The following FGF12 variants were observed in gnomAD, a reference collection of about 807,000 sequenced individuals.
FGF12 encodes fibroblast growth factor 12.
A neutral mutation model predicts 23.6 loss-of-function variants in FGF12; 14 were observed. The ratio of observed to expected loss-of-function variants is 0.59; its 90% confidence interval spans 0.39 to 0.93. The LOEUF is 0.93. Among genes scored for constraint, FGF12 ranks in the 40% least tolerant of loss-of-function variants. The pLI is 0.00. For missense variants in FGF12, 175 were observed against 217.8 expected, an observed-to-expected ratio of 0.80 and a Z score of 1.24; for synonymous variants, 62 against 77.3, an observed-to-expected ratio of 0.80 and a Z score of 1.04.
At chr3:192,541,320 A>G (rs928834757) in intron 2 of FGF12, among the ~76,000 whole-genome samples, 3 of 152,186 alleles carry the variant, frequency 2.0e-5, no homozygotes, top group Admixed American at 6.5e-5. Context: ...TGAAGTTACC[A>G]TAAAACATGC....
At chr3:192,316,790 C>T (rs1480160347) in intron 4 of FGF12, among the ~76,000 whole-genome samples, 1 of 152,156 alleles carries the variant, frequency 6.6e-6, no homozygotes, top group African/African-American at 2.4e-5. Flanking sequence ...TTGCATCACC[C>T]CTCCCCCAAC....
chr3:192,410,165 G>C (rs946374943), intron 2 of FGF12, among the ~76,000 whole-genome samples: 5 of 152,098 alleles, frequency 3.3e-5, no homozygotes, highest in African/African-American at 1.2e-4. Flanking sequence ...GTGGGGCCGA[G>C]CTGGGGGCCG....
chr3:192,619,566 G>A (rs1405901755), intron 2 of FGF12, among the ~76,000 whole-genome samples: 1 of 152,068 alleles, frequency 6.6e-6, no homozygotes, highest in African/African-American at 2.4e-5. Flanking sequence ...TTATTGGCAA[G>A]TTTGGGCTGG....
chr3:192,598,007 C>T (rs1381145269), intron 2 of FGF12, among the ~76,000 whole-genome samples: 1 of 152,180 alleles, frequency 6.6e-6, no homozygotes, highest in Non-Finnish European at 1.5e-5. Context: ...AGAAAACAGT[C>T]AACACTTTGT....
chr3:192,171,376 G>A (rs555338639), intron 4 of FGF12, among the ~76,000 whole-genome samples: 91 of 150,008 alleles, frequency 6.1e-4, no homozygotes, highest in African/African-American at 2.2e-3. Context: ...TTTGGTAAGT[G>A]AGAAAACCAA....
At chr3:192,320,378 T>C (rs1452597615) in intron 4 of FGF12, among the ~76,000 whole-genome samples, 1 of 152,160 alleles carries the variant, frequency 6.6e-6, no homozygotes, top group Middle Eastern at 3.2e-3. Context: ...ACCGGAGACT[T>C]CAATGCCCCA....
At chr3:192,174,416 C>T (rs1230419546) in intron 4 of FGF12, among the ~76,000 whole-genome samples, 1 of 151,440 alleles carries the variant, frequency 6.6e-6, no homozygotes, top group East Asian at 1.9e-4. Context: ...GTTTTCCATT[C>T]AGTATAATTC....
intron 2 of FGF12, among the ~76,000 whole-genome samples, chr3:192,662,695 T>C (rs1263121766): frequency 6.6e-6 from 1 of 152,222 alleles, no homozygotes; most frequent in African/African-American, 2.4e-5. Context: ...CCTCTAAGTA[T>C]CATTTTCACT....
intron 2 of FGF12, among the ~76,000 whole-genome samples, chr3:192,701,389 A>G (rs997161626): frequency 1.3e-5 from 2 of 152,182 alleles, no homozygotes; most frequent in African/African-American, 2.4e-5. Context: ...TCCTCTGGCT[A>G]TGTCATGGGT....
chr3:192,589,455 C>T (rs1263983068), intron 2 of FGF12, among the ~76,000 whole-genome samples: 16 of 151,840 alleles, frequency 1.1e-4, no homozygotes, highest in Admixed American at 9.8e-4. Context: ...TTCTTAAAGA[C>T]TTGCAAATCA....
chr3:192,207,241 A>G (rs1488380268), intron 4 of FGF12, among the ~76,000 whole-genome samples: 2 of 152,354 alleles, frequency 1.3e-5, no homozygotes, highest in East Asian at 1.9e-4. Flanking sequence ...GGGATTTAGT[A>G]AACATCCAAA....
intron 2 of FGF12, among the ~76,000 whole-genome samples, chr3:192,553,010 G>C (rs1355735531): frequency 6.6e-6 from 1 of 152,134 alleles, no homozygotes; most frequent in Admixed American, 6.5e-5. Flanking sequence ...GTATTCCACG[G>C]TCAGTGGAAA....
At chr3:192,576,164 T>C (rs1577062277) in intron 2 of FGF12, among the ~76,000 whole-genome samples, 1 of 152,278 alleles carries the variant, frequency 6.6e-6, no homozygotes, top group Middle Eastern at 3.4e-3. Flanking sequence ...TTTTTCTGCT[T>C]ACAAACGAAG....
chr3:192,247,038 AAGGAAGGAAGG>A (rs1319852960), intron 4 of FGF12, among the ~76,000 whole-genome samples: 2 of 10,512 alleles, frequency 1.9e-4, no homozygotes, highest in Non-Finnish European at 4.5e-4. Flanking sequence ...GGAAAGAAGG[AAGGAAGGAAGG>A]AAGGAAGGAA....
chr3:192,661,792 G>T (rs2108684964), intron 2 of FGF12, among the ~76,000 whole-genome samples: 1 of 152,304 alleles, frequency 6.6e-6, no homozygotes, highest in Non-Finnish European at 1.5e-5. Context: ...GACATGTTAA[G>T]GTTCAACCTT....
intron 2 of FGF12, among the ~76,000 whole-genome samples, chr3:192,646,731 G>A (rs560497237): frequency 6.6e-6 from 1 of 152,288 alleles, no homozygotes; most frequent in South Asian, 2.1e-4. Context: ...GGGAATGACT[G>A]CTGAATGGGT....
chr3:192,439,715 G>A (rs968459720), intron 2 of FGF12, among the ~76,000 whole-genome samples: 4 of 152,128 alleles, frequency 2.6e-5, no homozygotes, highest in African/African-American at 7.2e-5. Flanking sequence ...GGTGGCTCAC[G>A]CCTGTAATCC....
At chr3:192,549,849 C>G (rs1175726434) in intron 2 of FGF12, among the ~76,000 whole-genome samples, 1 of 152,146 alleles carries the variant, frequency 6.6e-6, no homozygotes, top group Non-Finnish European at 1.5e-5. Context: ...AGCTTTCTGA[C>G]TGGAACTTAC....
intron 2 of FGF12, among the ~76,000 whole-genome samples, chr3:192,551,268 T>C (rs947906224): frequency 2.6e-5 from 4 of 152,210 alleles, no homozygotes; most frequent in Non-Finnish European, 5.9e-5. Context: ...ACAATTTTAC[T>C]GAGAGGAGAA....
Sources: gnomAD v4.1 joint callset for allele counts (sites outside exome capture counted in the v4.1 genomes callset) on GRCh38, gnomAD v4.1.1 for gene constraint, MANE v1.5 for transcripts, NCBI Gene and HGNC (gene_info 2026-07-23, HGNC 2026-07-21) for gene names.